POLR2F: variants seen among roughly 807,000 people sequenced by gnomAD.
POLR2F encodes RNA polymerase II, I and III subunit F, also known as DNA-directed RNA polymerases I, II, and III subunit RPABC2.
Under a neutral mutation model 22.7 loss-of-function variants are expected in POLR2F, and 12 were observed. The ratio of observed to expected loss-of-function variants is 0.53; its 90% CI spans 0.34 to 0.86. POLR2F has a LOEUF of 0.86. Among genes scored for constraint, POLR2F ranks in the 40% least tolerant of loss-of-function variants. The pLI, the probability that POLR2F is intolerant of heterozygous loss-of-function variation, is 0.02. For missense variants in POLR2F, 126 were observed against 171.5 expected (o/e 0.73, Z 1.48); for synonymous variants, 57 against 66.0 (o/e 0.86, Z 0.66).
intron 4 of POLR2F, among the ~76,000 whole-genome samples, chr22:37,977,234 T>C (rs1197658520): frequency 6.6e-6 from 1 of 151,218 alleles, no homozygotes; most frequent in Admixed American, 6.6e-5. Context: ...CATTTGCTCT[T>C]CCATTTCTCA....
upstream of POLR2F, chr22:37,983,267 C>T (rs2145776686): frequency 2.1e-6 from 3 of 1,432,198 alleles, no homozygotes; most frequent in East Asian, 7.4e-5. This position sits in a 1 kb window ranked among gnomAD's most constrained non-coding sequence, Gnocchi z 9.5. Flanking sequence ...GACAGTCCCG[C>T]TCTGAGGTGC....
At chr22:38,041,154 G>A, downstream of POLR2F, 2 of 1,612,024 alleles carry the variant, frequency 1.2e-6, no homozygotes, top group East Asian at 2.2e-5. Context: ...CCAGAGCCAG[G>A]CTGGTGACTA....
Position 37,993,458 on chromosome 22 carries a change from C to T in POLR2F, c.120+7146C>T, listed in dbSNP as rs1440776370. ...ATGGGGTGATCCAGTCAGAATTTAG[C>T]GTTTGTCTGAGCTTGAAGGATCCTC... On this transcript the variant is annotated intron_variant, in intron 1 of 2. Coordinates refer to the POLR2F transcript ENST00000333418. 2.0e-5 allele frequency among the ~76,000 whole-genome samples: 3 copies of T among 152,258 alleles called. No individual in the cohort carries two copies. The South Asian group carries it at 6.2e-4, about 32-fold the overall frequency.
Position 38,016,254 on chromosome 22 carries a change from C to T in POLR2F, c.121-9615C>T, listed in dbSNP as rs1240606153. Reference sequence around the variant, plus strand: ...CATGTAGACCCAAAGTGGGCTCTGACCACACCCTTGGGGGTCATTTCAGAA... The same window carrying T: ...CATGTAGACCCAAAGTGGGCTCTGATCACACCCTTGGGGGTCATTTCAGAA... On this transcript the variant is annotated intron_variant, in intron 1 of 2. Coordinates refer to the POLR2F transcript ENST00000333418. This position sits in a 1 kb window ranked among gnomAD's most constrained non-coding sequence, Gnocchi z 4.4. 2.0e-5 allele frequency among the ~76,000 whole-genome samples: 3 copies of T among 152,186 alleles called. No individual in the cohort carries two copies. Among genetic ancestry groups the T allele is most frequent in the Non-Finnish European group, 4.4e-5 (3 of 68,022 alleles).
At chr22:37,987,140 C>T (rs1245910062) in intron 1 of POLR2F, 2 of 456,594 alleles carry the variant, frequency 4.4e-6, no homozygotes, top group African/African-American at 2.0e-5. Context: ...GCTCTATGAC[C>T]TGCCTTCTCT....
At chr22:37,983,903 C>T, upstream of POLR2F, 2 of 862,506 alleles carry the variant, frequency 2.3e-6, no homozygotes, top group South Asian at 2.5e-5. The surrounding 1 kb of genome is among the most constrained non-coding windows in gnomAD (Gnocchi z 9.5). Flanking sequence ...AGCGGCCGCG[C>T]GCGCAGCCCC....
At chr22:37,987,477 C>G in intron 1 of POLR2F, 1 of 298,528 alleles carries the variant, frequency 3.3e-6, no homozygotes, top group South Asian at 2.1e-5. Flanking sequence ...AAGGCTCCGC[C>G]TGTGTTCCCC....
Position 37,974,710 on chromosome 22 carries a change from A to G in POLR2F, c.293+7540A>G, listed in dbSNP as rs577558350. ...TCTCTAGTTGTTTATGAAATTCTCAAATCTTAGGGATGGGTCCTGGGGAGG... is the reference window on the plus strand; with the variant it reads ...TCTCTAGTTGTTTATGAAATTCTCAGATCTTAGGGATGGGTCCTGGGGAGG... On this transcript the variant is annotated intron_variant, in intron 4 of 4. Transcript: ENST00000405557. The surrounding 1 kb of genome is among the most constrained non-coding windows in gnomAD (Gnocchi z 5.4). Among the ~76,000 whole-genome samples the G allele has an allele frequency of 2.6e-4, 40 of 152,072 alleles. No individual in the cohort carries two copies. Among genetic ancestry groups the G allele is most frequent in the Admixed American group, 4.6e-4 (7 of 15,274 alleles).
intron 2 of POLR2F, among the ~76,000 whole-genome samples, chr22:37,957,472 G>T (rs1045221224): frequency 1.3e-5 from 2 of 152,172 alleles, no homozygotes; most frequent in African/African-American, 4.8e-5. Flanking sequence ...CAGGTTTCTG[G>T]CTTGAGCAAC....
rs1931884829 is a variant in POLR2F at position 37,967,129 on chromosome 22, G to C, written c.252G>C (p.Glu84Asp). The C allele has an allele frequency of 1.2e-6, 2 of 1,613,522 alleles. No individual in the cohort carries two copies. Among genetic ancestry groups the C allele is most frequent in the East Asian group, 4.5e-5 (2 of 44,872 alleles). The change falls in exon 4 of 5, where the codon GAG becomes GAC. Residue 84 changes from glutamate to aspartate, a missense_variant. Glu to Asp is a conservative substitution (Grantham distance 45, BLOSUM62 2). Transcript: ENST00000442738. ...GTGCCCCTGTGATGGTGGAGCTGGA[G>C]GGGGAGACAGATCCTCTGCTCATTG... ...AMCAPVMVEL[E>D]GETDPLLIAM...
intron 3 of POLR2F, among the ~76,000 whole-genome samples, 192 bp from the exon 4 acceptor site, chr22:37,966,907 T>G (rs1258958774): frequency 6.6e-6 from 1 of 152,202 alleles, no homozygotes; most frequent in Non-Finnish European, 1.5e-5. Context: ...GCCGCTGGAC[T>G]CCGGAGTCTG....
In POLR2F at chr22:37,980,675, C is replaced by G. The variant is rs1420525017; in HGVS notation, c.293+13505C>G. Among the ~76,000 whole-genome samples, 2 of 152,240 alleles carry G rather than the reference C, an allele frequency of 1.3e-5. No individual in the cohort carries two copies. The highest frequency in any genetic ancestry group is 4.8e-5 in the African/African-American group (2 of 41,466). ...CAAACCCCCAACTTCGCCTCCAGCT[C>G]TAACTCCAAACCCAGTCCTCATCTG... On this transcript the variant is annotated intron_variant, in intron 4 of 4. Coordinates refer to the POLR2F transcript ENST00000405557. This position sits in a 1 kb window ranked among gnomAD's most constrained non-coding sequence, Gnocchi z 4.1.
exon 3 of POLR2F, chr22:38,026,421 A>T: frequency 2.2e-6 from 1 of 448,646 alleles, no homozygotes; most frequent in African/African-American, 2.0e-5. Context: ...TCTGGGTCTC[A>T]GTTTCCCCCT....
At chr22:38,025,554 C>T (rs1005404236) in intron 1 of POLR2F, 5 of 1,475,682 alleles carry the variant, frequency 3.4e-6, no homozygotes, top group Middle Eastern at 3.6e-4. Context: ...TGTCCACGCC[C>T]TTCTCCCATC....
intron 1 of POLR2F, among the ~76,000 whole-genome samples, chr22:38,003,193 G>A (rs184165630): frequency 1.3e-5 from 2 of 152,118 alleles, no homozygotes; most frequent in East Asian, 1.9e-4. Context: ...TTTGGTAGAG[G>A]CTTATGTACC....
intron 1 of POLR2F, among the ~76,000 whole-genome samples, chr22:37,998,152 G>A (rs540902139): frequency 3.3e-5 from 5 of 152,200 alleles, no homozygotes; most frequent in South Asian, 2.1e-4. Flanking sequence ...TTTCCTTCCC[G>A]CCTCTGGTCG....
chr22:38,022,773 GA>G (rs1292681476), intron 1 of POLR2F, among the ~76,000 whole-genome samples: 18 of 152,138 alleles, frequency 1.2e-4, no homozygotes, highest in Non-Finnish European at 2.9e-5. Context: ...AGCACTTTGG[GA>G]GGCTGAGGCA....
At chr22:38,037,944 CTCACT>C (rs1360656777) in intron 5 of POLR2F, among the ~76,000 whole-genome samples, 1 of 152,110 alleles carries the variant, frequency 6.6e-6, no homozygotes, top group Non-Finnish European at 1.5e-5. Flanking sequence ...GAGACAGCAG[CTCACT>C]TCATGCAGGT....
rs79036482 is a variant in POLR2F, at chr22:38,021,486, T to C, written c.121-4383T>C. Among the ~76,000 whole-genome samples, 421 of 152,302 alleles carry C rather than the reference T, an allele frequency of 2.8e-3. 2 individuals carry two copies. Among genetic ancestry groups the C allele is most frequent in the African/African-American group, 9.8e-3 (407 of 41,554 alleles). ...TCTAAGCAGCTGTCCCTGACCTTTT[T>C]CTTTTTTGAGCCCAGGTTGGAGTAC... On this transcript the variant is annotated intron_variant, in intron 1 of 2. Transcript: ENST00000333418.
Sources: gnomAD v4.1 joint callset for allele counts (sites outside exome capture counted in the v4.1 genomes callset) on GRCh38, gnomAD v4.1.1 for gene constraint, Gnocchi (gnomAD v3.1) non-coding constraint, MANE v1.5 for transcripts, NCBI Gene and HGNC (gene_info 2026-07-23, HGNC 2026-07-21) for gene names.